The following MCPH1 variants were observed in gnomAD, a reference collection of about 807,000 sequenced individuals.
MCPH1 encodes microcephalin.
In MCPH1, 104 loss-of-function variants were observed where a neutral mutation model predicts 84.5. That is an observed-to-expected ratio of 1.23 (90% CI 1.05 to 1.45). The LOEUF is 1.45. Ranked by LOEUF, MCPH1 falls within the 40% of genes most tolerant of loss-of-function variation. MCPH1 has a pLI of 0.00. For missense variants in MCPH1, 1,498 were observed against 1,005.7 expected (o/e 1.49, Z -6.62); for synonymous variants, 514 against 366.8 (o/e 1.40, Z -4.58).
At chr8:6,421,793 A>G (rs547582759) in intron 3 of MCPH1, among the ~76,000 whole-genome samples, 1 of 152,132 alleles carries the variant, frequency 6.6e-6, no homozygotes, top group South Asian at 2.1e-4. Context: ...GTGCTGCATG[A>G]TGGTCCCCTT....
At chr8:6,520,877 A>T (rs1054929521) in intron 12 of MCPH1, among the ~76,000 whole-genome samples, 4 of 152,214 alleles carry the variant, frequency 2.6e-5, no homozygotes, top group Non-Finnish European at 1.5e-5. Context: ...ACCTAAATAA[A>T]TGAATATCGG....
rs990650308 is a variant in MCPH1, at chr8:6,471,369, C to G, written c.1936-6225C>G. Among the ~76,000 whole-genome samples the G allele has an allele frequency of 3.9e-5, 6 of 152,100 alleles. 1 individual carries two copies. Among genetic ancestry groups the G allele is most frequent in the African/African-American group, 1.2e-4 (5 of 41,408 alleles). On this transcript the variant is annotated intron_variant, in intron 9 of 13. Coordinates refer to ENST00000344683, the MANE Select transcript of MCPH1 (RefSeq NM_024596.5). ...CTAGGAAGATGGATTGTTTTTTAATCTATGCAAATAATTATATTGCGCTGA... is the reference window on the plus strand; with the variant it reads ...CTAGGAAGATGGATTGTTTTTTAATGTATGCAAATAATTATATTGCGCTGA...
intron 6 of MCPH1, among the ~76,000 whole-genome samples, chr8:6,440,336 G>A (rs990514212): frequency 6.6e-6 from 1 of 151,928 alleles, no homozygotes; most frequent in Non-Finnish European, 1.5e-5. Flanking sequence ...ATGTGCCTAC[G>A]TGAATCCTTG....
intron 12 of MCPH1, among the ~76,000 whole-genome samples, chr8:6,515,444 C>T (rs2515424): frequency 0.41 from 61,997 of 151,926 alleles, 12,905 homozygotes; most frequent in Middle Eastern, 0.52. Flanking sequence ...TGACTTCACG[C>T]TTCTCTGTAC....
chr8:6,554,361 C>T (rs926129454), intron 12 of MCPH1, among the ~76,000 whole-genome samples: 2 of 151,690 alleles, frequency 1.3e-5, no homozygotes, highest in African/African-American at 2.4e-5. Context: ...ACTTTGTTCA[C>T]GTTCTCGCCC....
At chr8:6,533,357 C>G (rs183976988) in intron 12 of MCPH1, among the ~76,000 whole-genome samples, 1 of 152,146 alleles carries the variant, frequency 6.6e-6, no homozygotes, top group African/African-American at 2.4e-5. Flanking sequence ...CAACTGAGTA[C>G]GTGGGAAGAG....
intron 12 of MCPH1, among the ~76,000 whole-genome samples, chr8:6,505,962 AAC>A (rs1445268436): frequency 5.3e-4 from 1 of 1,898 alleles, no homozygotes; most frequent in Non-Finnish European, 4.1e-3. Flanking sequence ...TATATATAAA[AAC>A]ATACATATTC....
chr8:6,608,639 C>A (rs1307539209), intron 12 of MCPH1, among the ~76,000 whole-genome samples: 2 of 152,178 alleles, frequency 1.3e-5, no homozygotes, highest in African/African-American at 2.4e-5. Context: ...TCATTAGAAT[C>A]GTCTGGGGAG....
chr8:6,632,554 A>T (rs1178703147), intron 13 of MCPH1, among the ~76,000 whole-genome samples: 1 of 152,188 alleles, frequency 6.6e-6, no homozygotes, highest in East Asian at 1.9e-4. Context: ...TCATGCCTGT[A>T]ATCCCAACAC....
chr8:6,466,559 G>C (rs926830214), intron 9 of MCPH1, among the ~76,000 whole-genome samples: 1 of 152,116 alleles, frequency 6.6e-6, no homozygotes, highest in Non-Finnish European at 1.5e-5. Context: ...CGCCCGCCTT[G>C]GTCTCCCAAA....
At chr8:6,457,476 G>A (rs1281376440) in intron 9 of MCPH1, among the ~76,000 whole-genome samples, 1 of 151,652 alleles carries the variant, frequency 6.6e-6, no homozygotes, top group African/African-American at 2.4e-5. Flanking sequence ...CTGGTGGTGG[G>A]CACCTGTAAT....
At chr8:6,527,649 G>C in intron 12 of MCPH1, 1 of 1,613,868 alleles carries the variant, frequency 6.2e-7, no homozygotes, top group East Asian at 2.2e-5. Context: ...AAGAGCTGAA[G>C]TTCAAGTCTC....
chr8:6,621,396 A>C (rs1400456309), intron 12 of MCPH1, 58 bp from the exon 13 acceptor site: 1 of 1,602,832 alleles, frequency 6.2e-7, no homozygotes, highest in African/African-American at 1.3e-5. Flanking sequence ...CAGTTCGCCT[A>C]CGCTATGGAG....
At chr8:6,553,119 T>C (rs773894853) in intron 12 of MCPH1, among the ~76,000 whole-genome samples, 1 of 152,052 alleles carries the variant, frequency 6.6e-6, no homozygotes, top group Non-Finnish European at 1.5e-5. Flanking sequence ...GATGGGTCAA[T>C]GTAGATTCAT....
intron 12 of MCPH1, among the ~76,000 whole-genome samples, chr8:6,608,115 T>G (rs1294152967): frequency 2.0e-5 from 3 of 152,000 alleles, no homozygotes; most frequent in African/African-American, 7.3e-5. Context: ...GCAGAGGAAC[T>G]GGAGAGCAAA....
chr8:6,505,175 AAT>A (rs3045054), intron 12 of MCPH1, among the ~76,000 whole-genome samples: 20 of 95,764 alleles, frequency 2.1e-4, no homozygotes, highest in Non-Finnish European at 3.7e-4. Context: ...TATGCCAAAG[AAT>A]ATATATATAT....
In MCPH1 at chr8:6,414,795, C is replaced by A; in HGVS notation, c.145C>A (p.His49Asn). The change falls in exon 3 of 14, where the codon CAC becomes AAC. Residue 49 changes from histidine to asparagine, a missense_variant. Coordinates refer to ENST00000344683, the MANE Select transcript of MCPH1 (RefSeq NM_024596.5). ...AAAAACTTTTAACAAACAAGTAACT[C>A]ACGTTATCTTCAAAGATGGCTACCA... ...VSKTFNKQVT[H>N]VIFKDGYQST... 2 of 1,613,764 alleles carry A rather than the reference C, an allele frequency of 1.2e-6. No individual in the cohort carries two copies. The highest frequency in any genetic ancestry group is 1.3e-5 in the African/African-American group (1 of 75,000).
intron 13 of MCPH1, among the ~76,000 whole-genome samples, chr8:6,630,599 C>T (rs1287108672): frequency 2.0e-5 from 3 of 151,960 alleles, no homozygotes; most frequent in African/African-American, 4.8e-5. Context: ...CTGACCAACA[C>T]GGTGAAACCC....
At chr8:6,424,871 C>T (rs1800826507) in intron 3 of MCPH1, among the ~76,000 whole-genome samples, 2 of 152,218 alleles carry the variant, frequency 1.3e-5, no homozygotes, top group African/African-American at 2.4e-5. Context: ...TGAAGGATAG[C>T]GTGCTTCGCG....
Sources: allele counts gnomAD v4.1 joint callset (sites outside exome capture counted in the v4.1 genomes callset), GRCh38; gene constraint gnomAD v4.1.1; transcripts MANE v1.5; gene names NCBI Gene and HGNC (gene_info 2026-07-23, HGNC 2026-07-21).